Variants in NF1 observed in about 807,000 individuals in gnomAD.
NF1 encodes the protein neurofibromin.
Under a neutral mutation model 325.7 loss-of-function variants are expected in NF1, and 122 were observed. The observed-to-expected ratio is 0.37, with a 90% CI of 0.32 to 0.44. NF1 has a LOEUF of 0.44. Among genes scored for constraint, NF1 ranks in the 20% least tolerant of loss-of-function variants. The pLI, the probability that NF1 is intolerant of heterozygous loss-of-function variation, is 1.00. For synonymous variants in NF1, 1,091 were observed against 1,186.0 expected (o/e 0.92, Z 1.65); for missense variants, 2,140 against 3,415.4 (o/e 0.63, Z 9.31).
chr17:31,260,299 T>C, intron 33 of NF1, 70 bp from the exon 34 acceptor site: 1 of 1,501,178 alleles, frequency 6.7e-7, no homozygotes. Context: ...TTACTTCTTA[T>C]AAATTTAATT....
intron 1 of NF1, among the ~76,000 whole-genome samples, chr17:31,116,719 GT>G (rs1044725239): frequency 1.9e-4 from 29 of 152,030 alleles, no homozygotes; most frequent in Non-Finnish European, 3.8e-4. Flanking sequence ...CCAGGCTGGA[GT>G]GCAGTGGCGC....
At chr17:31,354,262 A>AT (rs1490562882) in intron 51 of NF1, among the ~76,000 whole-genome samples, 5 of 152,210 alleles carry the variant, frequency 3.3e-5, no homozygotes, top group Admixed American at 6.5e-5. Flanking sequence ...AAGAAAAAAA[A>AT]CTGCAGAGAG....
At chr17:31,204,879 C>G (rs1334276689) in intron 11 of NF1, among the ~76,000 whole-genome samples, 1 of 152,088 alleles carries the variant, frequency 6.6e-6, no homozygotes, top group Non-Finnish European at 1.5e-5. Context: ...AATCAAGTTG[C>G]ATTGGTTGCT....
intron 1 of NF1, among the ~76,000 whole-genome samples, chr17:31,105,043 G>A (rs1225249173): frequency 6.6e-6 from 1 of 152,024 alleles, no homozygotes. Flanking sequence ...GACTATGGGC[G>A]TGCGCCACCA....
At chr17:31,290,986 A>C (rs1343002742) in intron 36 of NF1, among the ~76,000 whole-genome samples, 2 of 151,218 alleles carry the variant, frequency 1.3e-5, no homozygotes, top group Non-Finnish European at 2.9e-5. Flanking sequence ...AGCCTGAGTG[A>C]CAGAGCAAGA....
chr17:31,341,715 ATGTG>A (rs377177861), intron 47 of NF1, among the ~76,000 whole-genome samples: 3 of 150,774 alleles, frequency 2.0e-5, no homozygotes, highest in Non-Finnish European at 3.0e-5. Flanking sequence ...GCACGTGTGC[ATGTG>A]TGTGTGTATA....
chr17:31,230,182 T>C (rs1297786687), intron 22 of NF1, 78 bp from the exon 23 acceptor site: 2 of 1,530,460 alleles, frequency 1.3e-6, no homozygotes, highest in Non-Finnish European at 1.8e-6. Context: ...TTCGTTTTAC[T>C]TGATGACTAA....
At chr17:31,355,064 A>C (rs536135829) in intron 51 of NF1, among the ~76,000 whole-genome samples, 4 of 152,240 alleles carry the variant, frequency 2.6e-5, no homozygotes, top group Non-Finnish European at 5.9e-5. Flanking sequence ...TATATATCTA[A>C]GAGATAAACC....
intron 3 of NF1, among the ~76,000 whole-genome samples, chr17:31,161,159 A>G (rs2065755264): frequency 6.6e-6 from 1 of 152,192 alleles, no homozygotes; most frequent in South Asian, 2.1e-4. Context: ...TATGAGTGCA[A>G]TTTTGTAGAA....
chr17:31,326,515 G>T (rs1473782865), intron 37 of NF1, among the ~76,000 whole-genome samples: 1 of 152,152 alleles, frequency 6.6e-6, no homozygotes, highest in South Asian at 2.1e-4. Context: ...GGGTATGGTG[G>T]TGGGCACCTG....
intron 36 of NF1, chr17:31,304,242 C>G: frequency 6.4e-7 from 1 of 1,555,722 alleles, no homozygotes; most frequent in Non-Finnish European, 8.7e-7. Flanking sequence ...GGAAGATCAG[C>G]TAAAAAGCAA....
At chr17:31,197,820 G>A (rs1286241380) in intron 8 of NF1, among the ~76,000 whole-genome samples, 4 of 152,052 alleles carry the variant, frequency 2.6e-5, no homozygotes, top group East Asian at 1.9e-4. Context: ...TGCTCTGTCC[G>A]GAATTTCTAG....
chr17:31,122,704 A>G (rs1201148933), intron 1 of NF1, among the ~76,000 whole-genome samples: 1 of 152,228 alleles, frequency 6.6e-6, no homozygotes, highest in African/African-American at 2.4e-5. Context: ...GATTAATTAT[A>G]TGAAGTATAT....
At chr17:31,168,456 G>A (rs748585817) in intron 4 of NF1, among the ~76,000 whole-genome samples, 49 of 151,988 alleles carry the variant, frequency 3.2e-4, no homozygotes, top group Non-Finnish European at 6.5e-4. Context: ...TTCAAATTAA[G>A]ATACAAATAG....
At chr17:31,152,574 A>T (rs2143602206) in intron 1 of NF1, among the ~76,000 whole-genome samples, 1 of 145,594 alleles carries the variant, frequency 6.9e-6, no homozygotes, top group South Asian at 2.2e-4. Context: ...TTTACTCTTA[A>T]AGCATTATCT....
rs780828438 is a variant in NF1 at position 31,117,672 on chromosome 17, C to CAA, written c.60+22333_60+22334dup. Among the ~76,000 whole-genome samples the CAA allele has an allele frequency of 2.9e-3, 58 of 19,806 alleles. 4 individuals are homozygous for CAA. The highest frequency in any genetic ancestry group is 6.3e-3 in the East Asian group (2 of 318). The allele number at this position is 19,806 out of a possible 152,430, so 13.0% of individuals were successfully genotyped here. A position where few individuals can be genotyped will look rare whatever the true frequency, so the allele number is the denominator to read the frequency against. On this transcript the variant is annotated intron_variant, in intron 1 of 57. Coordinates refer to ENST00000358273, the MANE Select transcript of NF1 (RefSeq NM_001042492.3). ...TGGGTGACAGAGCAAAACTCCATCT[C>CAA]AAAAAAAAAAAAAAAAAAAAAAAAA... is the stretch of plus-strand genomic sequence containing the variant.
At chr17:31,365,278 C>CAAAAAAAAAAAAA (rs67659795) in intron 57 of NF1, among the ~76,000 whole-genome samples, 24 of 101,052 alleles carry the variant, frequency 2.4e-4, no homozygotes, top group African/African-American at 8.3e-4. Flanking sequence ...GAACCTATCT[C>CAAAAAAAAAAAAA]AAAAAAAAAA....
At chr17:31,294,980 C>G in intron 36 of NF1, 1 of 1,613,920 alleles carries the variant, frequency 6.2e-7, no homozygotes, top group Non-Finnish European at 8.5e-7. Flanking sequence ...GGGAGGAGTG[C>G]TTTCATTAGT....
In NF1 at chr17:31,340,161, A is replaced by G. The variant is rs1050817693; in HGVS notation, c.6922-344A>G. 1.3e-5 allele frequency: 4 copies of G among 304,238 alleles called. No individual in the cohort carries two copies. In the East Asian group the frequency reaches 2.6e-4, roughly 20 times the overall value. 18.8% of individuals were successfully genotyped at this position (304,238 alleles called of 1,614,324 possible). A position where few individuals can be genotyped will look rare whatever the true frequency, so the allele number is the denominator to read the frequency against. On this transcript the variant is annotated intron_variant, in intron 46 of 57. Transcript: ENST00000358273. ...GTAAAAAGAATCCACCTTTATAATA[A>G]AGAAGGTTGGCATGTGGTAATGTCA...
Sources: allele counts gnomAD v4.1 joint callset (sites outside exome capture counted in the v4.1 genomes callset), GRCh38; gene constraint gnomAD v4.1.1; transcripts MANE v1.5; gene names NCBI Gene and HGNC (gene_info 2026-07-23, HGNC 2026-07-21).